Variants in CCDC85C observed in about 807,000 individuals in gnomAD.
CCDC85C encodes coiled-coil domain containing 85C, also known as coiled-coil domain-containing protein 85C.
CCDC85C carries 18 observed loss-of-function variants against 38.3 expected under a neutral mutation model. The ratio of observed to expected loss-of-function variants is 0.47; its 90% CI spans 0.33 to 0.70. The LOEUF is 0.70. Among genes scored for constraint, CCDC85C ranks in the 30% least tolerant of loss-of-function variants. The pLI, the probability that CCDC85C is intolerant of heterozygous loss-of-function variation, is 0.03. For missense variants in CCDC85C, 566 were observed against 621.2 expected (o/e 0.91, Z 0.94); for synonymous variants, 264 against 293.8 (o/e 0.90, Z 1.04).
Position 99,536,054 on chromosome 14 carries a change from G to T in CCDC85C, c.828C>A (p.Ser276Arg). 1 of 1,551,556 alleles carries T rather than the reference G, an allele frequency of 6.4e-7. No individual in the cohort carries two copies. The highest frequency in any genetic ancestry group is 8.7e-7 in the Non-Finnish European group (1 of 1,146,910). ...TGTCACCCTCCAGCAGCCTCACTTT[G>T]CTCTCCAGTTGCCTGATGTAGGTGG... is the stretch of plus-strand genomic sequence containing the variant. Reference protein sequence around the residue: ...PSSTYIRQLESKVRLLEGDKL... With the variant: ...PSSTYIRQLERKVRLLEGDKL... Residue 276 changes from serine (S) to arginine (R), a missense_variant, in exon 2 of 6, where the codon AGC becomes AGA. Physicochemically the swap from Ser to Arg is moderately radical, Grantham distance 110 (BLOSUM62 -1). This residue lies in a region of CCDC85C where 286 missense variants were observed against 276.4 expected (regional missense o/e 1.03). Transcript: ENST00000380243.
intron 1 of CCDC85C, among the ~76,000 whole-genome samples, chr14:99,560,494 C>G (rs1442400933): frequency 6.6e-6 from 1 of 152,212 alleles, no homozygotes; most frequent in East Asian, 1.9e-4. Flanking sequence ...TCCAGGGCAC[C>G]TGTATGCCAG....
In CCDC85C at chr14:99,574,826, TG is replaced by T. The variant is rs1898437762; in HGVS notation, c.793+28340del. On this transcript the variant is annotated intron_variant, in intron 1 of 5. Coordinates refer to ENST00000380243, the MANE Select transcript of CCDC85C (RefSeq NM_001144995.2). ...CACATCTGCAAAAGAGACTGGTGGA[TG>T]GCCTGCAGGGGATTCTAGGAGGTTA... 2.0e-5 allele frequency among the ~76,000 whole-genome samples: 3 copies of T among 152,130 alleles called. No homozygotes were observed. In the South Asian group the frequency reaches 6.2e-4, roughly 31 times the overall value.
rs1215193240 is a variant in CCDC85C at position 99,535,509 on chromosome 14, C to T, written c.867+506G>A. Among the ~76,000 whole-genome samples the T allele has an allele frequency of 6.6e-6, 1 of 152,170 alleles. No individual in the cohort carries two copies. Among genetic ancestry groups the T allele is most frequent in the African/African-American group, 2.4e-5 (1 of 41,432 alleles). ...GCCCCTCACCCAACCCCACCTCCCC[C>T]CTACAGCCAACCCCTCCCACGCCGT... On this transcript the variant is annotated intron_variant, in intron 2 of 5. Transcript: ENST00000380243. The surrounding 1 kb of genome is among the most constrained non-coding windows in gnomAD (Gnocchi z 5.5).
At chr14:99,528,226 A>G (rs1339335448) in intron 2 of CCDC85C, among the ~76,000 whole-genome samples, 1 of 152,152 alleles carries the variant, frequency 6.6e-6, no homozygotes, top group Non-Finnish European at 1.5e-5. Flanking sequence ...ACCTGAAGCC[A>G]GCTTCTCGGG....
At chr14:99,538,268 A>G (rs1264007181) in intron 1 of CCDC85C, among the ~76,000 whole-genome samples, 1 of 152,248 alleles carries the variant, frequency 6.6e-6, no homozygotes. Flanking sequence ...GCCACAGGTC[A>G]GTCTTTAGGA....
At chr14:99,602,327 A>G (rs188978369) in intron 1 of CCDC85C, among the ~76,000 whole-genome samples, 2 of 152,350 alleles carry the variant, frequency 1.3e-5, no homozygotes, top group Admixed American at 1.3e-4. Flanking sequence ...CGTAGAAGAC[A>G]GAAGCTGACA....
In CCDC85C at chr14:99,545,477, A is replaced by C. The variant is rs1039819634; in HGVS notation, c.794-9389T>G. Among the ~76,000 whole-genome samples the C allele has an allele frequency of 1.3e-5, 2 of 152,044 alleles. No individual in the cohort carries two copies. The highest frequency in any genetic ancestry group is 4.8e-5 in the African/African-American group (2 of 41,386). On this transcript the variant is annotated intron_variant, in intron 1 of 5. Coordinates refer to ENST00000380243, the MANE Select transcript of CCDC85C (RefSeq NM_001144995.2). The surrounding 1 kb of genome is among the most constrained non-coding windows in gnomAD (Gnocchi z 4.7). Reference sequence around the variant, plus strand: ...TGACAAGCCAAATGAAAACTGTGTAATTGCTTCAAATATGGGGACAAGGGG... The same window carrying C: ...TGACAAGCCAAATGAAAACTGTGTACTTGCTTCAAATATGGGGACAAGGGG...
At position 99,603,781 on chromosome 14, in the gene CCDC85C, A is replaced by C; in HGVS notation, c.179T>G (p.Leu60Arg). Residue 60 changes from leucine (L) to arginine (R), a missense_variant, in exon 1 of 6, where the codon CTG (leucine) becomes CGG (arginine). Leu to Arg is a moderately radical substitution (Grantham distance 102). Coordinates refer to ENST00000380243, the MANE Select transcript of CCDC85C (RefSeq NM_001144995.2). This position sits in a 1 kb window ranked among gnomAD's most constrained non-coding sequence, Gnocchi z 7.5. ...GGLMRDVNRR[L>R]QQHLLEIRGL... Reference sequence around the variant, plus strand: ...GCGGATCTCCAGCAGGTGCTGCTGCAGCCGCCGGTTCACGTCGCGCATCAG... The same window carrying C: ...GCGGATCTCCAGCAGGTGCTGCTGCCGCCGCCGGTTCACGTCGCGCATCAG... The C allele has an allele frequency of 6.6e-7, 1 of 1,526,188 alleles. No homozygotes were observed. Among genetic ancestry groups the C allele is most frequent in the Non-Finnish European group, 8.8e-7 (1 of 1,142,712 alleles). 94.5% of individuals were successfully genotyped at this position (1,526,188 alleles called of 1,614,324 possible).
At chr14:99,577,723 C>T (rs971757380) in intron 1 of CCDC85C, among the ~76,000 whole-genome samples, 3 of 146,976 alleles carry the variant, frequency 2.0e-5, no homozygotes, top group Non-Finnish European at 3.0e-5. Context: ...CCATACAGCC[C>T]GTCCTGCATC....
rs936105110 is a variant in CCDC85C, at chr14:99,511,577, A to G, written c.*3669T>C. On this transcript the variant is annotated 3_prime_UTR_variant, in exon 6 of 6. Transcript: ENST00000380243. ...GGCCTTCGCAGTCTGTGGCTTATAA[A>G]ATGTGCAGAGGCCCTCCTTCCAGAC... The G allele has an allele frequency of 6.6e-6, 1 of 152,474 alleles. No homozygotes were observed. Among genetic ancestry groups the G allele is most frequent in the South Asian group, 2.1e-4 (1 of 4,830 alleles). 9.4% of individuals were successfully genotyped at this position (152,474 alleles called of 1,614,324 possible).
intron 2 of CCDC85C, among the ~76,000 whole-genome samples, chr14:99,534,371 A>G (rs1897552093): frequency 6.6e-6 from 1 of 151,670 alleles, no homozygotes; most frequent in Non-Finnish European, 1.5e-5. Context: ...AAAAAAAAAG[A>G]AAGAAAGAAC....
Position 99,574,246 on chromosome 14 carries a change from C to T in CCDC85C, c.793+28921G>A, listed in dbSNP as rs919305764. On this transcript the variant is annotated intron_variant, in intron 1 of 5. Coordinates refer to ENST00000380243, the MANE Select transcript of CCDC85C (RefSeq NM_001144995.2). ...CCAGCAACACTAGCAAGACCTCAGC[C>T]TCCCACCAGGGAAGCTCAACAAAGA... is the stretch of plus-strand genomic sequence containing the variant. 2.6e-5 allele frequency among the ~76,000 whole-genome samples: 4 copies of T among 152,168 alleles called. No individual in the cohort carries two copies. In the East Asian group the frequency reaches 7.7e-4, roughly 29 times the overall value.
At chr14:99,580,876 A>G (rs1319905761) in intron 1 of CCDC85C, among the ~76,000 whole-genome samples, 4 of 152,162 alleles carry the variant, frequency 2.6e-5, no homozygotes, top group African/African-American at 9.7e-5. Flanking sequence ...AGAAAATTAA[A>G]AAGGAACTGC....
At chr14:99,518,964 C>G (rs6575724) in intron 3 of CCDC85C, among the ~76,000 whole-genome samples, 5 of 152,208 alleles carry the variant, frequency 3.3e-5, no homozygotes, top group Admixed American at 3.3e-4. Flanking sequence ...GGGGCCCCCA[C>G]CTGTACTAGA....
At chr14:99,591,216 C>T (rs2055082442) in intron 1 of CCDC85C, among the ~76,000 whole-genome samples, 3 of 152,360 alleles carry the variant, frequency 2.0e-5, no homozygotes, top group African/African-American at 7.2e-5. Flanking sequence ...GGCCTCATTT[C>T]GAGAACAAGG....
Position 99,506,665 on chromosome 14 carries a change from G to A in CCDC85C, c.*8581C>T, listed in dbSNP as rs1346245493. The stretch of plus-strand genomic sequence containing the variant: ...ATGAAAAGATAGAGATTCTCTTGTG[G>A]AACCCTCAGGGGACTCAGTGACATG... On this transcript the variant is annotated 3_prime_UTR_variant, in exon 6 of 6. Transcript: ENST00000380243. 3 of 170,218 alleles carry A rather than the reference G, an allele frequency of 1.8e-5. No individual in the cohort carries two copies. Among genetic ancestry groups the A allele is most frequent in the Non-Finnish European group, 3.8e-5 (3 of 78,372 alleles). 10.5% of individuals were successfully genotyped at this position (170,218 alleles called of 1,614,324 possible).
At position 99,503,314 on chromosome 14, in the gene CCDC85C, AAACAGT is replaced by A. The variant is rs1896888189; in HGVS notation, c.*11926_*11931del. 1.7e-6 allele frequency: 1 copy of A among 605,976 alleles called. No individual in the cohort carries two copies. The highest frequency in any genetic ancestry group is 2.9e-6 in the Non-Finnish European group (1 of 339,224). The allele number at this position is 605,976 out of a possible 1,614,324, so 37.5% of individuals were successfully genotyped here. A position where few individuals can be genotyped will look rare whatever the true frequency, so the allele number is the denominator to read the frequency against. ...TGCTTCTGTGCAGCTGCCTGACCCC[AAACAGT>A]GGACCGTTTCCTGCACCCAAGTGGT... On this transcript the variant is annotated 3_prime_UTR_variant, in exon 6 of 6. Transcript: ENST00000380243.
intron 2 of CCDC85C, among the ~76,000 whole-genome samples, chr14:99,527,898 G>T (rs1197091082): frequency 1.3e-5 from 2 of 152,240 alleles, no homozygotes; most frequent in Non-Finnish European, 2.9e-5. Context: ...AGAGGCGGGA[G>T]GACCCCGGGC....
intron 2 of CCDC85C, among the ~76,000 whole-genome samples, chr14:99,529,859 G>A (rs988041610): frequency 4.6e-5 from 7 of 152,242 alleles, no homozygotes; most frequent in South Asian, 2.1e-4. Flanking sequence ...GAAAGATCAC[G>A]GTGGTTAACC....
Sources: allele counts gnomAD v4.1 joint callset (sites outside exome capture counted in the v4.1 genomes callset), GRCh38; gene constraint gnomAD v4.1.1; regional missense constraint gnomAD v4.1.1; non-coding constraint Gnocchi (gnomAD v3.1); transcripts MANE v1.5; gene names NCBI Gene and HGNC (gene_info 2026-07-23, HGNC 2026-07-21).